Variants in PTPRF observed in about 807,000 individuals in gnomAD.
The protein encoded by PTPRF is receptor-type tyrosine-protein phosphatase F.
A neutral mutation model predicts 201.8 loss-of-function variants in PTPRF; 59 were observed. The observed-to-expected ratio is 0.29, with a 90% confidence interval of 0.24 to 0.36. The LOEUF is 0.36. Among genes scored for constraint, PTPRF ranks in the 10% least tolerant of loss-of-function variants. The pLI is 1.00. For synonymous variants in PTPRF, 1,088 were observed against 1,089.7 expected (o/e 1.00, Z 0.03); for missense variants, 2,132 against 2,690.5 (o/e 0.79, Z 4.59).
intron 5 of PTPRF, among the ~76,000 whole-genome samples, chr1:43,566,785 T>C (rs770314778): frequency 1.3e-5 from 2 of 152,140 alleles, no homozygotes; most frequent in Non-Finnish European, 2.9e-5. Flanking sequence ...GAGTGCTGCC[T>C]AGAAGCCTAG....
chr1:43,524,994 G>A (rs1345007550), upstream of PTPRF, among the ~76,000 whole-genome samples: 1 of 152,210 alleles, frequency 6.6e-6, no homozygotes, highest in African/African-American at 2.4e-5. Context: ...TCATGTGGTT[G>A]CTTGAGCACC....
At chr1:43,561,176 C>T (rs148955626) in intron 5 of PTPRF, among the ~76,000 whole-genome samples, 2 of 152,320 alleles carry the variant, frequency 1.3e-5, no homozygotes, top group African/African-American at 4.8e-5. Flanking sequence ...GCCCTAGAGA[C>T]AGAGGGTCAA....
At chr1:43,589,322 C>T (rs1045191592) in intron 8 of PTPRF, among the ~76,000 whole-genome samples, 1 of 151,694 alleles carries the variant, frequency 6.6e-6, no homozygotes, top group South Asian at 2.1e-4. Flanking sequence ...ACGAGGGAAC[C>T]GAGGCACAGA....
At chr1:43,621,042 C>A in intron 32 of PTPRF, 50 bp downstream of exon 32, 1 of 1,609,988 alleles carries the variant, frequency 6.2e-7, no homozygotes, top group Admixed American at 1.7e-5. Flanking sequence ...GAAGGCCTGG[C>A]AGACCCACTG....
intron 1 of PTPRF, among the ~76,000 whole-genome samples, chr1:43,532,196 C>T (rs1643629667): frequency 6.6e-6 from 1 of 152,210 alleles, no homozygotes; most frequent in Admixed American, 6.5e-5. Context: ...CCCCCATTTC[C>T]CTGGAATGCT....
At chr1:43,614,162 C>G (rs1264122399) in intron 23 of PTPRF, among the ~76,000 whole-genome samples, 4 of 152,166 alleles carry the variant, frequency 2.6e-5, no homozygotes, top group African/African-American at 9.7e-5. Context: ...GAAATGGGGA[C>G]TGTTATTATC....
Position 43,621,138 on chromosome 1 carries a change from T to C in PTPRF, c.5561T>C (p.Ile1854Thr), listed in dbSNP as rs1384223816. ...ACCGGGGTGTTCATCACTCTGAGCA[T>C]CGTCCTGGAGCGCATGCGCTACGAG... ...GRTGVFITLSIVLERMRYEGV... is the reference protein window; with the variant it reads ...GRTGVFITLSTVLERMRYEGV... Residue 1854 changes from isoleucine to threonine, a missense_variant, in exon 33 of 34, where the codon ATC (isoleucine) becomes ACC (threonine). Around this residue, in one of 6 missense-constraint regions of PTPRF, gnomAD observed 519 missense variants for 659.5 expected, o/e 0.79. Transcript: ENST00000359947. The C allele has an allele frequency of 1.9e-6, 3 of 1,614,108 alleles. No individual in the cohort carries two copies. In the South Asian group the frequency reaches 3.3e-5, roughly 18 times the overall value.
At chr1:43,549,658 C>T (rs981857912) in intron 3 of PTPRF, among the ~76,000 whole-genome samples, 2 of 152,130 alleles carry the variant, frequency 1.3e-5, no homozygotes, top group African/African-American at 4.8e-5. Context: ...AGTTTGAGAC[C>T]AGCCTGGCAA....
Position 43,554,398 on chromosome 1 carries a change from C to T in PTPRF, c.379+457C>T, listed in dbSNP as rs562345657. Among the ~76,000 whole-genome samples, 5 of 152,268 alleles carry T rather than the reference C, an allele frequency of 3.3e-5. No homozygotes were observed. Among genetic ancestry groups the T allele is most frequent in the South Asian group, 4.1e-4 (2 of 4,822 alleles). ...TTTAGTGTCTTCTCTCACTTGGTGG[C>T]TTCTCCATTCATTCACAAACACTCC... On this transcript the variant is annotated intron_variant, in intron 5 of 33. Transcript: ENST00000359947. This position sits in a 1 kb window ranked among gnomAD's most constrained non-coding sequence, Gnocchi z 4.1.
At chr1:43,587,357 C>G (rs72889060) in intron 7 of PTPRF, among the ~76,000 whole-genome samples, 6,108 of 152,234 alleles carry the variant, frequency 0.04, 398 homozygotes, top group African/African-American at 0.14. Flanking sequence ...TTGGTGGTGG[C>G]AGTTGCCTGT....
Position 43,588,885 on chromosome 1 carries a change from G to C in PTPRF, c.834G>C (p.Met278Ile). 2 of 1,613,932 alleles carry C rather than the reference G, an allele frequency of 1.2e-6. No homozygotes were observed. The highest frequency in any genetic ancestry group is 1.7e-6 in the Non-Finnish European group (2 of 1,179,842). ...GAEELTKEDE[M>I]PVGRNVLELS... is the part of the protein sequence containing the mutation. The stretch of plus-strand genomic sequence containing the variant: ...AGGAGCTCACCAAGGAGGATGAGAT[G>C]CCAGTTGGCCGCAACGTCCTGGAGC... Residue 278 changes from methionine to isoleucine, a missense_variant, in exon 8 of 34, where the codon ATG becomes ATC. By Grantham distance (10) the Met-to-Ile change is conservative. Coordinates refer to ENST00000359947, the MANE Select transcript of PTPRF (RefSeq NM_002840.5). This position sits in a 1 kb window ranked among gnomAD's most constrained non-coding sequence, Gnocchi z 5.3.
Position 43,620,951 on chromosome 1 carries a change from G to A in PTPRF, c.5478G>A (p.Lys1826=). 1 of 1,614,202 alleles carries A rather than the reference G, an allele frequency of 6.2e-7. No homozygotes were observed. Among genetic ancestry groups the A allele is most frequent in the South Asian group, 1.1e-5 (1 of 91,078 alleles). The part of the protein sequence containing the change: ...IDFIGQVHKT[K]EQFGQDGPIT... ...TCATCGGGCAGGTGCATAAGACCAA[G>A]GAGCAGTTTGGACAGGATGGGCCTA... Residue 1826 remains lysine, a synonymous_variant, in exon 32 of 34, where the codon AAG becomes AAA. Coordinates refer to ENST00000359947, the MANE Select transcript of PTPRF (RefSeq NM_002840.5).
At chr1:43,609,288 G>A (rs886364831) in intron 21 of PTPRF, 95 bp from the exon 22 acceptor site, 39 of 965,828 alleles carry the variant, frequency 4.0e-5, no homozygotes, top group African/African-American at 3.5e-4. Flanking sequence ...GGACAGAGCC[G>A]TGGACATGGG....
chr1:43,611,664 G>T (rs1055092726), intron 22 of PTPRF, among the ~76,000 whole-genome samples: 1 of 152,196 alleles, frequency 6.6e-6, no homozygotes, highest in Non-Finnish European at 1.5e-5. Context: ...CTGGATTAGA[G>T]AGGAGAAATT....
At chr1:43,601,605 A>T (rs894272878) in intron 13 of PTPRF, among the ~76,000 whole-genome samples, 2 of 152,214 alleles carry the variant, frequency 1.3e-5, no homozygotes, top group Admixed American at 6.5e-5. Flanking sequence ...GACACTGAAT[A>T]GTCAATTCCA....
In PTPRF at chr1:43,533,489, C is replaced by T. The variant is rs552519484; in HGVS notation, c.-126+2399C>T. On this transcript the variant is annotated intron_variant, in intron 1 of 33. Transcript: ENST00000359947. ...TAGCTTTGAGGGTCCTCCCTGGGGGCGGGGAGGAGGGGACCCAGACCTCCT... is the reference window on the plus strand; with the variant it reads ...TAGCTTTGAGGGTCCTCCCTGGGGGTGGGGAGGAGGGGACCCAGACCTCCT... 6.5e-4 allele frequency among the ~76,000 whole-genome samples: 99 copies of T among 152,182 alleles called. 1 individual carries two copies. In the South Asian group the frequency reaches 0.012, roughly 18 times the overall value.
chr1:43,571,924 G>A (rs1646599758), intron 6 of PTPRF, among the ~76,000 whole-genome samples: 1 of 152,256 alleles, frequency 6.6e-6, no homozygotes, highest in African/African-American at 2.4e-5. Context: ...AGGAGTTACA[G>A]TAAGCAGTGA....
intron 6 of PTPRF, among the ~76,000 whole-genome samples, chr1:43,576,743 A>G (rs766888953): frequency 1.3e-5 from 2 of 152,236 alleles, no homozygotes; most frequent in African/African-American, 2.4e-5. Flanking sequence ...GAGGATGTGT[A>G]GTGTCTGGCG....
At chr1:43,532,635 G>T in intron 1 of PTPRF, 1 of 167,128 alleles carries the variant, frequency 6.0e-6, no homozygotes, top group East Asian at 1.5e-4. Flanking sequence ...GGGATCTGAG[G>T]GATCCAGAAG....
Sources: allele counts gnomAD v4.1 joint callset (sites outside exome capture counted in the v4.1 genomes callset), GRCh38; gene constraint gnomAD v4.1.1; regional missense constraint gnomAD v4.1.1; non-coding constraint Gnocchi (gnomAD v3.1); transcripts MANE v1.5; gene names NCBI Gene and HGNC (gene_info 2026-07-23, HGNC 2026-07-21).